The following EXTL3 variants were observed in gnomAD, a reference collection of about 807,000 sequenced individuals.
EXTL3 encodes exostosin-like 3.
In EXTL3, 27 loss-of-function variants were observed where a neutral mutation model predicts 69.3. The ratio of observed to expected loss-of-function variants is 0.39; its 90% CI spans 0.29 to 0.54. The LOEUF (loss-of-function observed/expected upper bound fraction) is 0.54. Among genes scored for constraint, EXTL3 ranks in the 20% least tolerant of loss-of-function variants. The pLI is 0.69. For missense variants in EXTL3, 1,003 were observed against 1,231.8 expected (o/e 0.81, Z 2.78); for synonymous variants, 511 against 499.4 (o/e 1.02, Z -0.31).
chr8:28,620,697 G>A (rs373077403), upstream of EXTL3, among the ~76,000 whole-genome samples: 5 of 152,118 alleles, frequency 3.3e-5, no homozygotes, highest in East Asian at 5.8e-4. Flanking sequence ...ATATTTAACC[G>A]TTTAGCTTTT....
chr8:28,736,192 TAAAA>T (rs373547841), intron 4 of EXTL3, among the ~76,000 whole-genome samples: 1 of 152,174 alleles, frequency 6.6e-6, no homozygotes, highest in Non-Finnish European at 1.5e-5. Flanking sequence ...ATCAGTTGTC[TAAAA>T]AAACCCACCT....
At position 28,753,691 on chromosome 8, in the gene EXTL3, G is replaced by C. The variant is rs1001795765; in HGVS notation, c.*2825G>C. 1.3e-5 allele frequency: 2 copies of C among 152,668 alleles called. No homozygotes were observed. The highest frequency in any genetic ancestry group is 2.9e-5 in the Non-Finnish European group (2 of 68,058). The allele number at this position is 152,668 out of a possible 1,614,324, so 9.5% of individuals were successfully genotyped here. A position where few individuals can be genotyped will look rare whatever the true frequency, so the allele number is the denominator to read the frequency against. ...ATAAATGGAGACTTTAACTCAAGCA[G>C]CTTGGAGGTCTTTTGTGGTTTTCCT... On this transcript the variant is annotated 3_prime_UTR_variant, in exon 7 of 7. Transcript: ENST00000220562.
intron 5 of EXTL3, chr8:28,741,855 G>T (rs190583341): frequency 2.6e-5 from 4 of 152,112 alleles, no homozygotes; most frequent in Non-Finnish European, 5.9e-5. Context: ...CATTTATTCT[G>T]TGTTACAAAA....
chr8:28,745,945 T>C (rs769251628), intron 6 of EXTL3, among the ~76,000 whole-genome samples: 1 of 152,250 alleles, frequency 6.6e-6, no homozygotes, highest in Non-Finnish European at 1.5e-5. Flanking sequence ...GGATGACTTT[T>C]CAAATTCAAA....
intron 1 of EXTL3, among the ~76,000 whole-genome samples, chr8:28,628,779 G>C (rs1233659341): frequency 1.3e-5 from 2 of 152,088 alleles, no homozygotes; most frequent in Non-Finnish European, 2.9e-5. Context: ...TCAGCCTCCC[G>C]AGTAGCTGGG....
chr8:28,666,661 C>T (rs560899795), intron 1 of EXTL3, among the ~76,000 whole-genome samples: 12 of 152,274 alleles, frequency 7.9e-5, no homozygotes, highest in East Asian at 1.9e-4. Context: ...CTACAACCCC[C>T]GCCTCCTGGG....
In EXTL3 at chr8:28,712,941, A is replaced by C. The variant is rs1458414026; in HGVS notation, c.-569-516A>C. Among the ~76,000 whole-genome samples, 15 of 152,280 alleles carry C rather than the reference A, an allele frequency of 9.9e-5. No homozygotes were observed. In the East Asian group the frequency reaches 2.9e-3, roughly 29 times the overall value. Reference sequence around the variant, plus strand: ...TAGAATTTTTGGTATGAAAAATTTCAAACTTAGACAAAAGAGAGCCTGATA... The same window carrying C: ...TAGAATTTTTGGTATGAAAAATTTCCAACTTAGACAAAAGAGAGCCTGATA... On this transcript the variant is annotated intron_variant, in intron 1 of 6. Transcript: ENST00000220562.
intron 1 of EXTL3, among the ~76,000 whole-genome samples, chr8:28,627,164 G>A (rs767700468): frequency 8.0e-5 from 12 of 150,934 alleles, no homozygotes; most frequent in African/African-American, 1.2e-4. Context: ...CTCCAGCCTG[G>A]GCGACAGAGC....
chr8:28,753,862 G>A lies in EXTL3; in HGVS notation c.*2996G>A, dbSNP rs1407756695. On this transcript the variant is annotated 3_prime_UTR_variant, in exon 7 of 7. Transcript: ENST00000220562. ...GCCCTGGTGTGGGCTGTGGACCAGA[G>A]ATGGGTGAACAGACTCACACTCACA... 1 of 152,280 alleles carries A rather than the reference G, an allele frequency of 6.6e-6. No individual in the cohort carries two copies. The highest frequency in any genetic ancestry group is 1.5e-5 in the Non-Finnish European group (1 of 68,074). 9.4% of individuals were successfully genotyped at this position (152,280 alleles called of 1,614,324 possible). A position where few individuals can be genotyped will look rare whatever the true frequency, so the allele number is the denominator to read the frequency against.
chr8:28,728,725 G>GT (rs1252956045), intron 3 of EXTL3, among the ~76,000 whole-genome samples: 20 of 151,846 alleles, frequency 1.3e-4, no homozygotes, highest in African/African-American at 4.8e-5. Flanking sequence ...GTCTCTACAA[G>GT]TTTTTTTTGA....
intron 1 of EXTL3, among the ~76,000 whole-genome samples, chr8:28,636,288 C>T (rs570335469): frequency 3.4e-4 from 51 of 149,794 alleles, no homozygotes; most frequent in African/African-American, 1.2e-3. Flanking sequence ...GCCGAGATCG[C>T]GCGACTGCAC....
At chr8:28,609,340 A>C (rs529439607) in intron 2 of EXTL3, among the ~76,000 whole-genome samples, 60 of 152,070 alleles carry the variant, frequency 3.9e-4, no homozygotes, top group African/African-American at 1.4e-3. Context: ...GGTCACTGGC[A>C]TGAGGGTTTC....
intron 6 of EXTL3, among the ~76,000 whole-genome samples, chr8:28,744,252 C>T (rs1290966912): frequency 1.3e-5 from 2 of 152,110 alleles, no homozygotes; most frequent in Non-Finnish European, 2.9e-5. Flanking sequence ...TACCTGATGT[C>T]CTTAGAAGGG....
chr8:28,671,262 A>G (rs570594450), intron 1 of EXTL3, among the ~76,000 whole-genome samples: 2 of 148,120 alleles, frequency 1.4e-5, no homozygotes, highest in African/African-American at 5.0e-5. Flanking sequence ...GATTACAGGC[A>G]TGAGCCACTG....
At chr8:28,671,402 CCT>C (rs1332205863) in intron 1 of EXTL3, among the ~76,000 whole-genome samples, 1 of 148,618 alleles carries the variant, frequency 6.7e-6, no homozygotes, top group Non-Finnish European at 1.5e-5. Context: ...TCCTCCGCAA[CCT>C]CTCAAGATTT....
At chr8:28,693,602 T>A (rs1800648070) in intron 1 of EXTL3, among the ~76,000 whole-genome samples, 1 of 152,256 alleles carries the variant, frequency 6.6e-6, no homozygotes, top group African/African-American at 2.4e-5. Context: ...TGTTTTGTCT[T>A]GAAACTGATA....
intron 2 of EXTL3, among the ~76,000 whole-genome samples, chr8:28,610,215 A>ATGTGTGTGTGTGTG (rs367793242): frequency 0.023 from 3,423 of 149,410 alleles, 93 homozygotes; most frequent in African/African-American, 0.067. Context: ...AAATATGTAT[A>ATGTGTGTGTGTGTG]TGTGTGTGTG....
In EXTL3 at chr8:28,753,568, T is replaced by TG. The variant is rs1468399919; in HGVS notation, c.*2708dup. The TG allele has an allele frequency of 6.5e-6, 1 of 152,796 alleles. No individual in the cohort carries two copies. The highest frequency in any genetic ancestry group is 1.5e-5 in the Non-Finnish European group (1 of 68,126). The allele number at this position is 152,796 out of a possible 1,614,324, so 9.5% of individuals were successfully genotyped here. A position where few individuals can be genotyped will look rare whatever the true frequency, so the allele number is the denominator to read the frequency against. ...GACAGAGTGGGGAGCTCCTAGTTTG[T>TG]GGGGGGAAGCTTTGATATCCATGCC... On this transcript the variant is annotated 3_prime_UTR_variant, in exon 7 of 7. Transcript: ENST00000220562.
At chr8:28,714,277 G>A (rs1306845734) in intron 2 of EXTL3, among the ~76,000 whole-genome samples, 1 of 151,988 alleles carries the variant, frequency 6.6e-6, no homozygotes, top group Non-Finnish European at 1.5e-5. Context: ...CCAATGTTAC[G>A]ATGAAATAAA....
Sources: allele counts gnomAD v4.1 joint callset (sites outside exome capture counted in the v4.1 genomes callset), GRCh38; gene constraint gnomAD v4.1.1; transcripts MANE v1.5; gene names NCBI Gene and HGNC (gene_info 2026-07-23, HGNC 2026-07-21).